SETD1A: variants seen among roughly 807,000 people sequenced by gnomAD.
SETD1A encodes the protein SET domain containing 1A, histone lysine methyltransferase.
SETD1A carries 29 observed loss-of-function variants against 149.9 expected under a neutral mutation model. The observed-to-expected ratio is 0.19, with a 90% CI of 0.14 to 0.26. The LOEUF (loss-of-function observed/expected upper bound fraction) is 0.26. Among genes scored for constraint, SETD1A ranks in the 10% least tolerant of loss-of-function variants. SETD1A has a pLI of 1.00. For missense variants in SETD1A, 2,109 were observed against 2,353.1 expected (o/e 0.90, Z 2.15); for synonymous variants, 1,141 against 968.5 (o/e 1.18, Z -3.31).
At chr16:30,968,605 A>G (rs1351422784) in intron 10 of SETD1A, among the ~76,000 whole-genome samples, 2 of 151,880 alleles carry the variant, frequency 1.3e-5, no homozygotes, top group East Asian at 1.9e-4. Context: ...GATCGAGACC[A>G]TCCTGGCCAA....
At chr16:30,968,415 AAT>A (rs1367923001) in intron 10 of SETD1A, among the ~76,000 whole-genome samples, 1 of 34,054 alleles carries the variant, frequency 2.9e-5, no homozygotes, top group Non-Finnish European at 5.1e-5. Flanking sequence ...AAAAAAAAAA[AAT>A]ACATATATAT....
intron 17 of SETD1A, among the ~76,000 whole-genome samples, chr16:30,981,629 A>G (rs2056379220): frequency 6.6e-6 from 1 of 152,124 alleles, no homozygotes; most frequent in South Asian, 2.1e-4. Flanking sequence ...TGCCTTGGCC[A>G]CTCACAAGTG....
chr16:30,962,972 T>A (rs1429922039), intron 4 of SETD1A, among the ~76,000 whole-genome samples: 2 of 152,146 alleles, frequency 1.3e-5, no homozygotes, highest in African/African-American at 4.8e-5. Flanking sequence ...CCTCACAAGG[T>A]GTTTCTGAGG....
intron 12 of SETD1A, 56 bp downstream of exon 12, chr16:30,969,745 G>A: frequency 1.4e-6 from 2 of 1,416,320 alleles, no homozygotes; most frequent in East Asian, 2.3e-5. Flanking sequence ...TCGGCTGCCT[G>A]GCTAGCCCTT....
Position 30,965,411 on chromosome 16 carries a change from G to A in SETD1A, c.1669G>A (p.Gly557Arg), listed in dbSNP as rs756777155. Residue 557 changes from glycine (G) to arginine (R), a missense_variant, in exon 7 of 19, where the codon GGG (glycine) becomes AGG (arginine). Coordinates refer to ENST00000262519, the MANE Select transcript of SETD1A (RefSeq NM_014712.3). ...TGAGGATGTGGCACCTACAGGGAGC[G>A]GGGAGCCAGGGGCTACCCGGGAGTC... The part of the protein sequence containing the change: ...NFEDVAPTGS[G>R]EPGATRESPK... The A allele has an allele frequency of 8.7e-6, 14 of 1,603,882 alleles. No individual in the cohort carries two copies. Among genetic ancestry groups the A allele is most frequent in the African/African-American group, 2.7e-5 (2 of 74,308 alleles).
In SETD1A at chr16:30,965,286, A is replaced by G; in HGVS notation, c.1544A>G (p.Glu515Gly). 6.2e-7 allele frequency: 1 copy of G among 1,614,244 alleles called. No homozygotes were observed. The highest frequency in any genetic ancestry group is 1.1e-5 in the South Asian group (1 of 91,092). Reference protein sequence around the residue: ...FLASDTEEEEENSSMVLGARD... With the variant: ...FLASDTEEEEGNSSMVLGARD... ...GCCTCTGACACAGAGGAGGAGGAAGAGAACAGCAGCATGGTCCTTGGGGCC... is the reference window on the plus strand; with the variant it reads ...GCCTCTGACACAGAGGAGGAGGAAGGGAACAGCAGCATGGTCCTTGGGGCC... The change falls in exon 7 of 19, where the codon GAG (glutamate) becomes GGG (glycine). Residue 515 changes from glutamate to glycine, a missense_variant. This residue lies in a region of SETD1A where 431 missense variants were observed against 388.6 expected (regional missense o/e 1.11). Coordinates refer to ENST00000262519, the MANE Select transcript of SETD1A (RefSeq NM_014712.3).
chr16:30,960,079 C>T (rs2056028160), intron 3 of SETD1A, among the ~76,000 whole-genome samples: 1 of 152,188 alleles, frequency 6.6e-6, no homozygotes, highest in Non-Finnish European at 1.5e-5. Flanking sequence ...CCTCCTGGCT[C>T]TTTTCTTTTT....
rs1462782467 is a variant in SETD1A at position 30,979,430 on chromosome 16, C to T, written c.3644C>T (p.Ala1215Val). ...ATCCGCAACCTGCCCCTGGACCACG[C>T]ATCTCTGGTCAAGAGTTGGCCCGAG... The part of the protein sequence containing the change: ...RTIRNLPLDH[A>V]SLVKSWPEEV... Residue 1215 changes from alanine to valine, a missense_variant, in exon 14 of 19, where the codon GCA becomes GTA. Ala to Val is a moderately conservative substitution (Grantham distance 64, BLOSUM62 0). Transcript: ENST00000262519. The T allele has an allele frequency of 1.2e-6, 2 of 1,608,904 alleles. No individual in the cohort carries two copies. Among genetic ancestry groups the T allele is most frequent in the East Asian group, 2.2e-5 (1 of 44,702 alleles).
chr16:30,976,671 C>T (rs566352081), intron 13 of SETD1A, among the ~76,000 whole-genome samples: 1 of 152,172 alleles, frequency 6.6e-6, no homozygotes. Flanking sequence ...TGGGGAATCT[C>T]CAAGGCGGAG....
chr16:30,968,434 ATG>A (rs888984885), intron 10 of SETD1A, among the ~76,000 whole-genome samples: 3 of 129,392 alleles, frequency 2.3e-5, no homozygotes, highest in Non-Finnish European at 4.9e-5. Context: ...ATATATATAT[ATG>A]TACACACACA....
Position 30,979,830 on chromosome 16 carries a change from G to A in SETD1A, c.4044G>A (p.Glu1348=), listed in dbSNP as rs1325456306. The stretch of plus-strand genomic sequence containing the variant: ...AGGTGGTGGTGGCTGAGGCGGAGGA[G>A]CCCAAGCCGCAGCAACTGCAGCAGC... ...APEVVVAEAE[E]PKPQQLQQQR... is the part of the protein sequence containing the mutation. Residue 1348 remains glutamate (E), a synonymous_variant, in exon 14 of 19, where the codon GAG becomes GAA. Transcript: ENST00000262519. 1 of 1,551,086 alleles carries A rather than the reference G, an allele frequency of 6.4e-7. No individual in the cohort carries two copies. The highest frequency in any genetic ancestry group is 1.2e-5 in the South Asian group (1 of 85,966).
At chr16:30,982,654 AG>A (rs2056395491) in intron 17 of SETD1A, among the ~76,000 whole-genome samples, 1 of 70,628 alleles carries the variant, frequency 1.4e-5, no homozygotes, top group Non-Finnish European at 4.1e-5. Context: ...TCTTCAGGAG[AG>A]GGTCCTTCCG....
In SETD1A at chr16:30,977,096, G is replaced by T. The variant is rs117967239; in HGVS notation, c.3359-2049G>T. On this transcript the variant is annotated intron_variant, in intron 13 of 18. Coordinates refer to ENST00000262519, the MANE Select transcript of SETD1A (RefSeq NM_014712.3). ...CCGAGTAGGTGGGACTAAGGCACGC[G>T]CCATCACGCCCGCTAATTTTTGTAT... 4.7e-4 allele frequency among the ~76,000 whole-genome samples: 72 copies of T among 152,210 alleles called. 1 individual carries two copies. Among genetic ancestry groups the T allele is most frequent in the Non-Finnish European group, 7.2e-4 (49 of 67,988 alleles).
Position 30,981,054 on chromosome 16 carries a change from C to G in SETD1A, c.4693-7C>G. ...TCTGGCAGTTGAGTCTCCCTTCTGC[C>G]CCCCAGTTCCGGAAGAAGAAGCTCC... On this transcript the variant is annotated splice_region_variant and splice_polypyrimidine_tract_variant and intron_variant, in intron 16 of 18. Transcript: ENST00000262519. 1 of 1,613,992 alleles carries G rather than the reference C, an allele frequency of 6.2e-7. No homozygotes were observed.
Position 30,983,344 on chromosome 16 carries a change from CTG to C in SETD1A, c.4813-288_4813-287del, listed in dbSNP as rs1202903170. 6.6e-6 allele frequency among the ~76,000 whole-genome samples: 1 copy of C among 152,222 alleles called. No individual in the cohort carries two copies. Among genetic ancestry groups the C allele is most frequent in the Admixed American group, 6.5e-5 (1 of 15,278 alleles). On this transcript the variant is annotated intron_variant, in intron 17 of 18. Coordinates refer to ENST00000262519, the MANE Select transcript of SETD1A (RefSeq NM_014712.3). The surrounding 1 kb of genome is among the most constrained non-coding windows in gnomAD (Gnocchi z 6.8). ...CTTGCCCCAGCAGTCCGGGACCCCA[CTG>C]TGACCAGGCAGATGCTCGAAGGAGT...
intron 3 of SETD1A, among the ~76,000 whole-genome samples, chr16:30,960,542 C>T (rs1030794897): frequency 6.6e-6 from 1 of 152,040 alleles, no homozygotes; most frequent in Admixed American, 6.6e-5. Context: ...GCCACTGGGT[C>T]GTGTTGTGTT....
At position 30,966,293 on chromosome 16, in the gene SETD1A, C is replaced by G; in HGVS notation, c.2412C>G (p.Ser804Arg). 6.2e-7 allele frequency: 1 copy of G among 1,613,958 alleles called. No individual in the cohort carries two copies. The highest frequency in any genetic ancestry group is 8.5e-7 in the Non-Finnish European group (1 of 1,180,022). ...VLAMLVQEMKSIMQRDLNRKM... is the reference protein window; with the variant it reads ...VLAMLVQEMKRIMQRDLNRKM... ...CCATGCTGGTCCAGGAGATGAAGAG[C>G]ATCATGCAGCGAGACCTCAACCGCA... The change falls in exon 8 of 19, where the codon AGC (serine) becomes AGG (arginine). Residue 804 changes from serine (S) to arginine (R), a missense_variant. By Grantham distance (110) the Ser-to-Arg change is moderately radical (BLOSUM62 -1). Around this residue, in one of 8 missense-constraint regions of SETD1A, gnomAD observed 22 missense variants for 51.3 expected, o/e 0.43. Coordinates refer to ENST00000262519, the MANE Select transcript of SETD1A (RefSeq NM_014712.3).
At chr16:30,967,664 G>A in intron 10 of SETD1A, 76 bp downstream of exon 10, 1 of 1,301,480 alleles carries the variant, frequency 7.7e-7, no homozygotes, top group South Asian at 1.2e-5. Flanking sequence ...AGGGATGAAG[G>A]GGTCAGGTCG....
chr16:30,968,272 G>A (rs929217661), intron 10 of SETD1A, among the ~76,000 whole-genome samples: 3 of 151,974 alleles, frequency 2.0e-5, no homozygotes, highest in Non-Finnish European at 4.4e-5. Context: ...GCATGGTGGT[G>A]TTCACCTGTA....
Sources: gnomAD v4.1 joint callset for allele counts (sites outside exome capture counted in the v4.1 genomes callset) on GRCh38, gnomAD v4.1.1 for gene constraint, gnomAD v4.1.1 regional missense constraint, Gnocchi (gnomAD v3.1) non-coding constraint, MANE v1.5 for transcripts, NCBI Gene and HGNC (gene_info 2026-07-23, HGNC 2026-07-21) for gene names.